The following SUZ12 variants were observed in gnomAD, a reference collection of about 807,000 sequenced individuals.
SUZ12 encodes the protein SUZ12 polycomb repressive complex 2 subunit, also known as polycomb protein SUZ12.
Under a neutral mutation model 87.3 loss-of-function variants are expected in SUZ12, and 17 were observed. The observed-to-expected ratio is 0.19, with a 90% CI of 0.13 to 0.29. The LOEUF is 0.29. Among genes scored for constraint, SUZ12 ranks in the 10% least tolerant of loss-of-function variants. The pLI is 1.00. For synonymous variants in SUZ12, 253 were observed against 312.4 expected (o/e 0.81, Z 2.01); for missense variants, 526 against 912.2 (o/e 0.58, Z 5.45).
intron 4 of SUZ12, among the ~76,000 whole-genome samples, chr17:31,953,864 G>T (rs929332012): frequency 6.7e-6 from 1 of 150,266 alleles, no homozygotes; most frequent in African/African-American, 2.5e-5. Flanking sequence ...TAGGCACGCG[G>T]TGCCACTCCC....
At position 31,953,107 on chromosome 17, in the gene SUZ12, A is replaced by G. The variant is rs568595474; in HGVS notation, c.455+5422A>G. On this transcript the variant is annotated intron_variant, in intron 4 of 15. Coordinates refer to ENST00000322652, the MANE Select transcript of SUZ12 (RefSeq NM_015355.4). ...ACTTTTATTAGGGTTATTTTCAAGC[A>G]TATATTTTTATTTTTTGAGACAAAG... Among the ~76,000 whole-genome samples the G allele has an allele frequency of 7.2e-5, 11 of 152,198 alleles. No homozygotes were observed. In the South Asian group the frequency reaches 2.1e-3, roughly 29 times the overall value.
In SUZ12 at chr17:31,988,352, A is replaced by G. The variant is rs745455851; in HGVS notation, c.1056A>G (p.Gly352=). 6.4e-5 allele frequency: 102 copies of G among 1,593,214 alleles called. No individual in the cohort carries two copies. In the South Asian group the frequency reaches 1.1e-3, roughly 18 times the overall value. Residue 352 remains glycine (G), a synonymous_variant, in exon 10 of 16, where the codon GGA becomes GGG. Transcript: ENST00000322652. ...RLPPFETFSQ[G]PTLQFTLRWT... ...CTCCATTCGAAACATTTTCTCAGGG[A>G]CCTACGTTGCAGTTCACTCTTCGTT... is the stretch of plus-strand genomic sequence containing the variant.
intron 3 of SUZ12, among the ~76,000 whole-genome samples, chr17:31,945,593 C>G (rs1906589601): frequency 6.6e-6 from 1 of 152,146 alleles, no homozygotes; most frequent in Non-Finnish European, 1.5e-5. Flanking sequence ...TTCTTTAAAT[C>G]TGACCTACAG....
intron 1 of SUZ12, among the ~76,000 whole-genome samples, chr17:31,939,718 G>C (rs1224410394): frequency 2.0e-5 from 3 of 151,990 alleles, no homozygotes; most frequent in Admixed American, 2.0e-4. Flanking sequence ...TGGAGACAGG[G>C]TTTCTCCATG....
chr17:31,957,495 TC>T (rs1347543163), intron 4 of SUZ12, among the ~76,000 whole-genome samples: 1 of 152,012 alleles, frequency 6.6e-6, no homozygotes, highest in East Asian at 1.9e-4. Flanking sequence ...CACTGCAACT[TC>T]CACCTCCCAG....
intron 5 of SUZ12, chr17:31,967,016 T>C (rs1908133014): frequency 6.6e-6 from 1 of 151,578 alleles, no homozygotes; most frequent in African/African-American, 2.4e-5. Context: ...CTGGCCAATA[T>C]GATGAAACCC....
intron 5 of SUZ12, chr17:31,967,383 TCACGCCTGTAATCCCAG>T (rs1908159836): frequency 1.3e-5 from 2 of 152,268 alleles, no homozygotes; most frequent in South Asian, 4.1e-4. Flanking sequence ...GCACGGTGGC[TCACGCCTGTAATCCCAG>T]CACTTTGGGA....
chr17:31,971,384 T>G (rs1177717716), intron 5 of SUZ12, among the ~76,000 whole-genome samples: 1 of 151,722 alleles, frequency 6.6e-6, no homozygotes, highest in Admixed American at 6.6e-5. Flanking sequence ...AGAAAAAAAT[T>G]GAAGATGCTT....
chr17:31,999,323 A>AT lies in SUZ12; in HGVS notation c.*327dup, dbSNP rs1368742950. The stretch of plus-strand genomic sequence containing the variant: ...GAAATTATTTCATATATAAATCAGA[A>AT]TTTTTTTGCATTTATGAACGGCTGT... On this transcript the variant is annotated 3_prime_UTR_variant, in exon 16 of 16. Coordinates refer to ENST00000322652, the MANE Select transcript of SUZ12 (RefSeq NM_015355.4). 2.1e-5 allele frequency: 5 copies of AT among 240,440 alleles called. No homozygotes were observed. Among genetic ancestry groups the AT allele is most frequent in the Middle Eastern group, 1.2e-3 (1 of 830 alleles). 14.9% of individuals were successfully genotyped at this position (240,440 alleles called of 1,614,324 possible). A position where few individuals can be genotyped will look rare whatever the true frequency, so the allele number is the denominator to read the frequency against.
At position 31,988,369 on chromosome 17, in the gene SUZ12, C is replaced by T. The variant is rs763400275; in HGVS notation, c.1073C>T (p.Thr358Ile). Residue 358 changes from threonine to isoleucine, a missense_variant, in exon 10 of 16, where the codon ACT (threonine) becomes ATT (isoleucine). Physicochemically the swap from Thr to Ile is moderately conservative, Grantham distance 89. Transcript: ENST00000322652. ...TCTCAGGGACCTACGTTGCAGTTCACTCTTCGTTGGACAGGAGAGACCAAT... is the reference window on the plus strand; with the variant it reads ...TCTCAGGGACCTACGTTGCAGTTCATTCTTCGTTGGACAGGAGAGACCAAT... Reference protein sequence around the residue: ...TFSQGPTLQFTLRWTGETNDK... With the variant: ...TFSQGPTLQFILRWTGETNDK... 3 of 1,606,694 alleles carry T rather than the reference C, an allele frequency of 1.9e-6. No individual in the cohort carries two copies. Among genetic ancestry groups the T allele is most frequent in the Non-Finnish European group, 2.5e-6 (3 of 1,177,734 alleles).
rs1158332589 is a variant in SUZ12, at chr17:31,972,224, G to A, written c.506-922G>A. Among the ~76,000 whole-genome samples the A allele has an allele frequency of 2.0e-5, 3 of 152,092 alleles. No homozygotes were observed. In the East Asian group the frequency reaches 5.8e-4, roughly 29 times the overall value. ...CACTTTAACCCGGGAGGCAGAAGTTGCAGTGAACCAAGATCGCCCTACTGC... is the reference window on the plus strand; with the variant it reads ...CACTTTAACCCGGGAGGCAGAAGTTACAGTGAACCAAGATCGCCCTACTGC... On this transcript the variant is annotated intron_variant, in intron 5 of 15. Transcript: ENST00000322652.
chr17:31,954,433 A>G (rs1250990490), intron 4 of SUZ12, among the ~76,000 whole-genome samples: 1 of 151,242 alleles, frequency 6.6e-6, no homozygotes, highest in Admixed American at 6.6e-5. Context: ...CTTTTTAAGC[A>G]TTTATTTTTA....
At chr17:31,992,840 G>A (rs1909791112) in intron 10 of SUZ12, among the ~76,000 whole-genome samples, 1 of 152,082 alleles carries the variant, frequency 6.6e-6, no homozygotes, top group Non-Finnish European at 1.5e-5. Flanking sequence ...GAGTAGCTGG[G>A]ATTGCAGGTG....
Position 31,937,026 on chromosome 17 carries a change from G to T in SUZ12, c.-221G>T, listed in dbSNP as rs1352921330. 4.8e-6 allele frequency: 2 copies of T among 419,644 alleles called. No individual in the cohort carries two copies. Among genetic ancestry groups the T allele is most frequent in the Non-Finnish European group, 8.2e-6 (2 of 243,922 alleles). 26.0% of individuals were successfully genotyped at this position (419,644 alleles called of 1,614,324 possible). ...GTGGGCGGAGCGAGGCCAGGGTAGGGTGAGCGGCCTCCGAAGCGGAGCGGG... is the reference window on the plus strand; with the variant it reads ...GTGGGCGGAGCGAGGCCAGGGTAGGTTGAGCGGCCTCCGAAGCGGAGCGGG... On this transcript the variant is annotated 5_prime_UTR_variant, in exon 1 of 16. Coordinates refer to ENST00000322652, the MANE Select transcript of SUZ12 (RefSeq NM_015355.4).
chr17:31,944,322 T>G (rs1167311322), intron 3 of SUZ12, among the ~76,000 whole-genome samples: 2 of 151,986 alleles, frequency 1.3e-5, no homozygotes, highest in Non-Finnish European at 2.9e-5. Flanking sequence ...GAGATGGGGT[T>G]TCTCCATGTT....
rs1207248575 is a variant in SUZ12 at position 32,000,548 on chromosome 17, C to A, written c.*1545C>A. On this transcript the variant is annotated 3_prime_UTR_variant, in exon 16 of 16. Coordinates refer to ENST00000322652, the MANE Select transcript of SUZ12 (RefSeq NM_015355.4). ...TGGTAAGCTCTCCAAATGATGAGTTCTAGTAAACTCTGATTTTTGCCTCTG... is the reference window on the plus strand; with the variant it reads ...TGGTAAGCTCTCCAAATGATGAGTTATAGTAAACTCTGATTTTTGCCTCTG... 1.3e-5 allele frequency: 3 copies of A among 228,828 alleles called. No individual in the cohort carries two copies. Among genetic ancestry groups the A allele is most frequent in the Admixed American group, 5.8e-5 (1 of 17,250 alleles). The allele number at this position is 228,828 out of a possible 1,614,324, so 14.2% of individuals were successfully genotyped here. A position where few individuals can be genotyped will look rare whatever the true frequency, so the allele number is the denominator to read the frequency against.
At chr17:31,940,238 T>C (rs568894510) in intron 1 of SUZ12, 48 bp from the exon 2 acceptor site, 28 of 1,574,854 alleles carry the variant, frequency 1.8e-5, no homozygotes, top group South Asian at 1.1e-4. Flanking sequence ...GATATTTTTC[T>C]GACAAGTAAG....
Position 31,953,920 on chromosome 17 carries a change from G to C in SUZ12, c.455+6235G>C, listed in dbSNP as rs185041399. Among the ~76,000 whole-genome samples the C allele has an allele frequency of 2.2e-3, 328 of 151,550 alleles. 1 individual carries two copies. Among genetic ancestry groups the C allele is most frequent in the South Asian group, 4.8e-3 (23 of 4,788 alleles). On this transcript the variant is annotated intron_variant, in intron 4 of 15. Transcript: ENST00000322652. The stretch of plus-strand genomic sequence containing the variant: ...GTAGAGAAGGGGTTTCACCATGTTG[G>C]CCAGGATGGTCTTGATCTCCTGACC...
In SUZ12 at chr17:31,993,852, T is replaced by TA. The variant is rs1555595353; in HGVS notation, c.1294-11dup. 2.5e-6 allele frequency: 4 copies of TA among 1,579,388 alleles called. No homozygotes were observed. The South Asian group carries it at 4.7e-5, about 19-fold the overall frequency. Reference sequence around the variant, plus strand: ...AAATTGGAGATTTGCTTTTTTTTTTTAATTGTTTTTAGTTTCTCTATAACA... The same window carrying TA: ...AAATTGGAGATTTGCTTTTTTTTTTTAAATTGTTTTTAGTTTCTCTATAACA... On this transcript the variant is annotated splice_polypyrimidine_tract_variant and intron_variant, in intron 11 of 15. Coordinates refer to ENST00000322652, the MANE Select transcript of SUZ12 (RefSeq NM_015355.4).
Sources: allele counts gnomAD v4.1 joint callset (sites outside exome capture counted in the v4.1 genomes callset), GRCh38; gene constraint gnomAD v4.1.1; transcripts MANE v1.5; gene names NCBI Gene and HGNC (gene_info 2026-07-23, HGNC 2026-07-21).